The following AGMO variants were observed in gnomAD, a reference collection of about 807,000 sequenced individuals.
AGMO encodes the protein glyceryl-ether monooxygenase.
Under a neutral mutation model 60.2 loss-of-function variants are expected in AGMO, and 75 were observed. The observed-to-expected ratio is 1.25, with a 90% CI of 1.03 to 1.51. The LOEUF is 1.51. Ranked by LOEUF, AGMO falls within the 40% of genes most tolerant of loss-of-function variation. The pLI, the probability that AGMO is intolerant of heterozygous loss-of-function variation, is 0.00. For synonymous variants in AGMO, 261 were observed against 177.1 expected (o/e 1.47, Z -3.76); for missense variants, 763 against 525.5 (o/e 1.45, Z -4.42).
chr7:15,431,752 A>G (rs1000105452), intron 3 of AGMO, among the ~76,000 whole-genome samples: 1 of 151,830 alleles, frequency 6.6e-6, no homozygotes, highest in Non-Finnish European at 1.5e-5. Flanking sequence ...ATTTTTCCAC[A>G]TAGTTTTATC....
the AGMO span, among the ~76,000 whole-genome samples, chr7:15,130,756 G>C: frequency 1.3e-5 from 2 of 152,130 alleles, no homozygotes; most frequent in Non-Finnish European, 2.9e-5. Flanking sequence ...AGAAAATACA[G>C]TGTTGAAATG....
At chr7:15,352,319 G>C (rs1423540194) in intron 12 of AGMO, among the ~76,000 whole-genome samples, 1 of 152,054 alleles carries the variant, frequency 6.6e-6, no homozygotes, top group Admixed American at 6.6e-5. Flanking sequence ...ATAAACCCTG[G>C]AAAATTCCTT....
At chr7:15,488,756 C>T (rs1357213708) in intron 3 of AGMO, among the ~76,000 whole-genome samples, 1 of 151,772 alleles carries the variant, frequency 6.6e-6, no homozygotes, top group Non-Finnish European at 1.5e-5. Context: ...AAAGATTTTA[C>T]ATTTGCATAT....
intron 10 of AGMO, among the ~76,000 whole-genome samples, chr7:15,372,288 TA>T (rs765250482): frequency 1.1e-4 from 16 of 151,898 alleles, no homozygotes; most frequent in Non-Finnish European, 8.8e-5. Context: ...CCGTCTCTAC[TA>T]AAAATACAAA....
intron 3 of AGMO, among the ~76,000 whole-genome samples, chr7:15,505,332 T>A (rs1438503028): frequency 1.3e-5 from 2 of 152,002 alleles, no homozygotes; most frequent in Non-Finnish European, 2.9e-5. Flanking sequence ...CAAGGTAGGA[T>A]GAGACGGAGA....
At chr7:15,493,654 C>T (rs1354219901) in intron 3 of AGMO, among the ~76,000 whole-genome samples, 1 of 152,032 alleles carries the variant, frequency 6.6e-6, no homozygotes, top group African/African-American at 2.4e-5. Flanking sequence ...GGATTACAGG[C>T]GTGAGCCACC....
At chr7:15,524,728 T>TG (rs5882523) in intron 3 of AGMO, among the ~76,000 whole-genome samples, 120,673 of 151,564 alleles carry the variant, frequency 0.8, 48,192 homozygotes, top group East Asian at 0.97. Context: ...CCAGGCATGG[T>TG]GCACATGCCT....
chr7:15,362,363 C>T (rs1021431195), intron 12 of AGMO, among the ~76,000 whole-genome samples: 3 of 152,114 alleles, frequency 2.0e-5, no homozygotes, highest in African/African-American at 2.4e-5. Flanking sequence ...TCCAGTCTTA[C>T]GTTGCCATCT....
At chr7:15,160,220 C>G in the AGMO span, among the ~76,000 whole-genome samples, 1 of 152,118 alleles carries the variant, frequency 6.6e-6, no homozygotes, top group Non-Finnish European at 1.5e-5. Context: ...TAACACCTGA[C>G]CTTCCGTCAC....
chr7:15,151,574 T>C, the AGMO span, among the ~76,000 whole-genome samples: 4 of 152,196 alleles, frequency 2.6e-5, no homozygotes, highest in Non-Finnish European at 5.9e-5. Flanking sequence ...GCAAAAGTAA[T>C]TCAGAAGCAG....
At chr7:15,472,325 C>A (rs1782471057) in intron 3 of AGMO, among the ~76,000 whole-genome samples, 3 of 151,800 alleles carry the variant, frequency 2.0e-5, no homozygotes, top group Admixed American at 2.0e-4. Context: ...GTTCAAAAAG[C>A]TGAATGGAAA....
chr7:15,244,683 G>A (rs893644192), intron 12 of AGMO, among the ~76,000 whole-genome samples: 7 of 151,818 alleles, frequency 4.6e-5, no homozygotes, highest in Non-Finnish European at 8.8e-5. Context: ...GAGTCGTCTC[G>A]CACTGTCGCC....
chr7:15,378,211 A>C (rs1200504572), intron 10 of AGMO, among the ~76,000 whole-genome samples: 3 of 152,038 alleles, frequency 2.0e-5, no homozygotes, highest in Non-Finnish European at 4.4e-5. Flanking sequence ...ATTTTAAAAA[A>C]TTATATTTGG....
intron 3 of AGMO, among the ~76,000 whole-genome samples, chr7:15,495,138 T>G (rs1107506): frequency 6.6e-6 from 1 of 151,976 alleles, no homozygotes; most frequent in Non-Finnish European, 1.5e-5. Context: ...ACCCCCATCA[T>G]GATGCTTTTG....
At chr7:15,388,327 G>A (rs1784006961) in intron 8 of AGMO, among the ~76,000 whole-genome samples, 1 of 151,986 alleles carries the variant, frequency 6.6e-6, no homozygotes, top group African/African-American at 2.4e-5. Context: ...GCTCTAATTG[G>A]AAAAATTAAA....
chr7:15,120,858 GGTTT>G, the AGMO span, among the ~76,000 whole-genome samples: 2 of 151,998 alleles, frequency 1.3e-5, no homozygotes, highest in East Asian at 1.9e-4. Context: ...TGAGAGTGCA[GGTTT>G]GTTACACAAG....
Position 15,468,516 on chromosome 7 carries a change from G to A in AGMO, c.410-37408C>T, listed in dbSNP as rs189029422. Among the ~76,000 whole-genome samples, 398 of 151,906 alleles carry A rather than the reference G, an allele frequency of 2.6e-3. 1 individual carries two copies. Among genetic ancestry groups the A allele is most frequent in the Admixed American group, 0.011 (166 of 15,238 alleles). The stretch of plus-strand genomic sequence containing the variant: ...TTAAACATGTAATAATTATACATAT[G>A]CATTTAAATGTATGATTCATATGTA... On this transcript the variant is annotated intron_variant, in intron 3 of 12. Transcript: ENST00000342526.
intron 12 of AGMO, among the ~76,000 whole-genome samples, chr7:15,204,700 C>G (rs1781395568): frequency 6.6e-6 from 1 of 152,168 alleles, no homozygotes; most frequent in Non-Finnish European, 1.5e-5. Flanking sequence ...ACTCTGATGC[C>G]TGAACTTTTG....
At chr7:15,252,727 T>C (rs1029527463) in intron 12 of AGMO, among the ~76,000 whole-genome samples, 4 of 152,228 alleles carry the variant, frequency 2.6e-5, no homozygotes, top group African/African-American at 9.6e-5. Flanking sequence ...CTTGTGATTC[T>C]TGAAATGCCT....
Sources: gnomAD v4.1 joint callset for allele counts (sites outside exome capture counted in the v4.1 genomes callset) on GRCh38, gnomAD v4.1.1 for gene constraint, MANE v1.5 for transcripts, NCBI Gene and HGNC (gene_info 2026-07-23, HGNC 2026-07-21) for gene names.